CAST: variants seen among roughly 807,000 people sequenced by gnomAD.
CAST encodes MIR583 host.
CAST carries 76 observed loss-of-function variants against 119.6 expected under a neutral mutation model. That is an observed-to-expected ratio of 0.64 (90% CI 0.53 to 0.77). CAST has a LOEUF of 0.77. CAST is among the 30% of genes least tolerant of loss of function. The probability of loss-of-function intolerance (pLI) is 0.00; values close to 1 mark genes in which losing one functional copy is unlikely to be tolerated. For synonymous variants in CAST, 319 were observed against 331.6 expected (o/e 0.96, Z 0.41); for missense variants, 953 against 946.5 (o/e 1.01, Z -0.09).
At chr5:96,437,223 T>G in the CAST span, among the ~76,000 whole-genome samples, 1 of 152,370 alleles carries the variant, frequency 6.6e-6, no homozygotes, top group Non-Finnish European at 1.5e-5. Context: ...GGATTTTTGC[T>G]GAATGAACTA....
chr5:96,381,643 G>A, the CAST span, among the ~76,000 whole-genome samples: 1 of 152,322 alleles, frequency 6.6e-6, no homozygotes, highest in East Asian at 1.9e-4. Flanking sequence ...TCGCTCATGT[G>A]TGCCTGACTG....
At chr5:96,563,601 C>G (rs1746420120) in intron 1 of CAST, among the ~76,000 whole-genome samples, 1 of 152,074 alleles carries the variant, frequency 6.6e-6, no homozygotes, top group Non-Finnish European at 1.5e-5. Flanking sequence ...GTCACTGTGT[C>G]TATCTTCAGA....
At chr5:96,331,951 G>A in the CAST span, among the ~76,000 whole-genome samples, 2 of 152,340 alleles carry the variant, frequency 1.3e-5, no homozygotes, top group Admixed American at 6.5e-5. Context: ...CATGTCATTG[G>A]CAGAAGGTGG....
At chr5:96,757,399 A>G (rs1581313809) in intron 22 of CAST, 45 bp from the exon 23 acceptor site, 1 of 1,557,922 alleles carries the variant, frequency 6.4e-7, no homozygotes, top group Non-Finnish European at 8.9e-7. Context: ...TACTTTGGAT[A>G]AAATGTAAAA....
chr5:96,678,400 T>C (rs1271596689), intron 2 of CAST, among the ~76,000 whole-genome samples: 1 of 152,212 alleles, frequency 6.6e-6, no homozygotes, highest in Non-Finnish European at 1.5e-5. Flanking sequence ...CTTTCTATCT[T>C]CTTCACAGTT....
At chr5:96,765,349 AAAAAT>A in intron 26 of CAST, 24 bp downstream of exon 26, 2 of 920,860 alleles carry the variant, frequency 2.2e-6, no homozygotes, top group Non-Finnish European at 1.6e-6. Context: ...AAAAAAAAAA[AAAAAT>A]TCACTAATAG....
chr5:96,529,855 TG>T lies in CAST; in HGVS notation c.36del (p.Arg13GlyfsTer67). ...CCTTCTGCCATGATTGTAAGTTTCC[TG>T]AGGCCTTCCCAGCCATTCAGAACTG... On this transcript the variant is annotated frameshift_variant, in exon 1 of 12. Coordinates refer to the CAST transcript ENST00000505143. LOFTEE classifies it high-confidence loss of function. 1 of 434,346 alleles carries T rather than the reference TG, an allele frequency of 2.3e-6. No individual in the cohort carries two copies. 26.9% of individuals were successfully genotyped at this position (434,346 alleles called of 1,614,324 possible).
the CAST span, among the ~76,000 whole-genome samples, chr5:96,481,274 AC>A: frequency 6.6e-6 from 1 of 152,160 alleles, no homozygotes; most frequent in South Asian, 2.1e-4. Context: ...ACTAAAAAAA[AC>A]ACCCCACAAA....
the CAST span, among the ~76,000 whole-genome samples, chr5:96,069,655 CTTTTTTTTT>C: frequency 1.3e-4 from 10 of 78,376 alleles, no homozygotes; most frequent in Non-Finnish European, 2.1e-4. Flanking sequence ...GGTAATTAAA[CTTTTTTTTT>C]TTTTTTTTTT....
chr5:96,004,206 A>G, the CAST span, among the ~76,000 whole-genome samples: 5 of 152,248 alleles, frequency 3.3e-5, no homozygotes, highest in African/African-American at 1.2e-4. Context: ...TCATATTACA[A>G]AAATGCTGTG....
chr5:96,243,831 G>A, the CAST span, among the ~76,000 whole-genome samples: 3 of 152,040 alleles, frequency 2.0e-5, no homozygotes, highest in Admixed American at 2.0e-4. Context: ...TATCTTAATG[G>A]CAGTATCACA....
chr5:95,966,223 G>A, the CAST span, among the ~76,000 whole-genome samples: 2 of 152,146 alleles, frequency 1.3e-5, no homozygotes, highest in South Asian at 4.1e-4. Flanking sequence ...TGGGGGTAGG[G>A]TTAAGTGGCA....
chr5:96,557,798 A>T (rs1397703291), intron 1 of CAST, among the ~76,000 whole-genome samples: 1 of 152,126 alleles, frequency 6.6e-6, no homozygotes, highest in African/African-American at 2.4e-5. Context: ...CAGATCAACG[A>T]GACAGAAAGT....
chr5:96,198,466 C>A, the CAST span, among the ~76,000 whole-genome samples: 8 of 152,066 alleles, frequency 5.3e-5, no homozygotes, highest in African/African-American at 1.9e-4. Context: ...ACCAGGAAAG[C>A]AGCGCTCCCC....
chr5:96,519,775 T>C, the CAST span, among the ~76,000 whole-genome samples: 1 of 152,128 alleles, frequency 6.6e-6, no homozygotes, highest in Non-Finnish European at 1.5e-5. Context: ...CTTTGCTAAT[T>C]TTTGTATTTG....
At chr5:96,598,200 C>T (rs1747087895) in intron 1 of CAST, among the ~76,000 whole-genome samples, 1 of 152,216 alleles carries the variant, frequency 6.6e-6, no homozygotes, top group African/African-American at 2.4e-5. Context: ...CTAATGAGGG[C>T]TTACACTCAG....
chr5:96,422,292 G>A, the CAST span, among the ~76,000 whole-genome samples: 1 of 152,128 alleles, frequency 6.6e-6, no homozygotes, highest in Non-Finnish European at 1.5e-5. Flanking sequence ...TTGAGGCCCA[G>A]AGAAGTTAAA....
the CAST span, among the ~76,000 whole-genome samples, chr5:96,026,998 G>T: frequency 6.6e-6 from 1 of 151,956 alleles, no homozygotes; most frequent in Admixed American, 6.6e-5. Context: ...ATTGCTTGAG[G>T]CCAAGAGTTT....
chr5:96,280,002 G>C, the CAST span, among the ~76,000 whole-genome samples: 20 of 152,282 alleles, frequency 1.3e-4, no homozygotes, highest in African/African-American at 4.6e-4. Context: ...TGAAGTTCCA[G>C]GTAGAGGCAT....
Sources: allele counts gnomAD v4.1 joint callset (sites outside exome capture counted in the v4.1 genomes callset), GRCh38; gene constraint gnomAD v4.1.1; transcripts MANE v1.5; gene names NCBI Gene and HGNC (gene_info 2026-07-23, HGNC 2026-07-21).